The following SLC23A2 variants were observed in gnomAD, a reference collection of about 807,000 sequenced individuals.
SLC23A2 encodes solute carrier family 23 member 2, also known as Na(+)/L-ascorbic acid transporter 2.
In SLC23A2, 36 loss-of-function variants were observed where a neutral mutation model predicts 73.3. The ratio of observed to expected loss-of-function variants is 0.49; its 90% CI spans 0.38 to 0.65. The LOEUF is 0.65. SLC23A2 is among the 30% of genes least tolerant of loss of function. The pLI is 0.00. For missense variants in SLC23A2, 507 were observed against 841.6 expected (o/e 0.60, Z 4.92); for synonymous variants, 343 against 327.3 (o/e 1.05, Z -0.52).
rs2122827645 is a variant in SLC23A2, at chr20:4,883,114, C to G, written c.824+528G>C. Among the ~76,000 whole-genome samples the G allele has an allele frequency of 6.6e-6, 1 of 152,302 alleles. No individual in the cohort carries two copies. Among genetic ancestry groups the G allele is most frequent in the East Asian group, 1.9e-4 (1 of 5,190 alleles). On this transcript the variant is annotated intron_variant, in intron 9 of 16. Transcript: ENST00000338244. This position sits in a 1 kb window ranked among gnomAD's most constrained non-coding sequence, Gnocchi z 4.5. ...GACATTCTGTACAAAAGGACAGGCA[C>G]TGACTAGCAGGACCCTGGCAGAAAC...
At chr20:4,927,353 T>C (rs1330559536) in intron 3 of SLC23A2, among the ~76,000 whole-genome samples, 2 of 152,226 alleles carry the variant, frequency 1.3e-5, no homozygotes, top group African/African-American at 4.8e-5. Flanking sequence ...TGCAGCAATG[T>C]CCTGGCATGA....
At chr20:4,908,037 C>T (rs770384584) in intron 4 of SLC23A2, among the ~76,000 whole-genome samples, 7 of 151,990 alleles carry the variant, frequency 4.6e-5, no homozygotes, top group African/African-American at 7.2e-5. Flanking sequence ...GAAAAAGCTC[C>T]GTGCTAAGAG....
At chr20:4,969,793 C>T (rs958320631) in intron 2 of SLC23A2, among the ~76,000 whole-genome samples, 13 of 152,076 alleles carry the variant, frequency 8.5e-5, no homozygotes, top group Non-Finnish European at 1.5e-4. Flanking sequence ...GAAACACTTG[C>T]GGCTTTTCTG....
At chr20:4,984,940 C>T (rs2087798958) in intron 1 of SLC23A2, among the ~76,000 whole-genome samples, 1 of 152,100 alleles carries the variant, frequency 6.6e-6, no homozygotes, top group African/African-American at 2.4e-5. Context: ...AGATCGAGAC[C>T]GTCCTGGCCA....
At chr20:4,984,534 C>A (rs1347601241) in intron 1 of SLC23A2, among the ~76,000 whole-genome samples, 13 of 143,302 alleles carry the variant, frequency 9.1e-5, no homozygotes, top group Non-Finnish European at 2.0e-4. Flanking sequence ...GCCTGGGCAA[C>A]AGAGCAAGAC....
chr20:4,893,809 T>C (rs1178727933), intron 6 of SLC23A2, among the ~76,000 whole-genome samples: 1 of 152,136 alleles, frequency 6.6e-6, no homozygotes, highest in African/African-American at 2.4e-5. Context: ...CTACCTTTCA[T>C]TTTGCTGGAG....
intron 1 of SLC23A2, among the ~76,000 whole-genome samples, chr20:4,988,332 T>C (rs759217231): frequency 2.7e-5 from 4 of 146,542 alleles, no homozygotes; most frequent in Admixed American, 7.0e-5. Context: ...CCGTGTGTGG[T>C]GGCTCACGCC....
chr20:4,986,979 A>G (rs1429043687), intron 1 of SLC23A2, among the ~76,000 whole-genome samples: 1 of 151,020 alleles, frequency 6.6e-6, no homozygotes, highest in Non-Finnish European at 1.5e-5. Context: ...TACTCCCACT[A>G]AATTCAGGCC....
chr20:4,932,392 G>T, intron 3 of SLC23A2, 63 bp downstream of exon 3: 1 of 957,098 alleles, frequency 1.0e-6, no homozygotes. Flanking sequence ...CCAATCCTAT[G>T]TTGATTCCAT....
In SLC23A2 at chr20:4,967,287, G is replaced by GT. The variant is rs200199357; in HGVS notation, c.-155+3505dup. Among the ~76,000 whole-genome samples, 253 of 149,646 alleles carry GT rather than the reference G, an allele frequency of 1.7e-3. 1 individual carries two copies. In the East Asian group the frequency reaches 0.035, roughly 21 times the overall value. Reference sequence around the variant, plus strand: ...AGTCATGGGACAAATTTATTGATGAGTTTTTTTTTTAACACCATACAGAAA... The same window carrying GT: ...AGTCATGGGACAAATTTATTGATGAGTTTTTTTTTTTAACACCATACAGAAA... On this transcript the variant is annotated intron_variant, in intron 2 of 16. Transcript: ENST00000338244.
At chr20:4,986,843 A>C (rs924335042) in intron 1 of SLC23A2, among the ~76,000 whole-genome samples, 3 of 152,154 alleles carry the variant, frequency 2.0e-5, no homozygotes, top group African/African-American at 7.2e-5. Flanking sequence ...AAGTCACTTT[A>C]AAGCATCATT....
In SLC23A2 at chr20:4,874,745, T is replaced by C. The variant is rs371966089; in HGVS notation, c.825-49A>G. The C allele has an allele frequency of 6.0e-6, 9 of 1,493,054 alleles. No individual in the cohort carries two copies. The African/African-American group carries it at 1.3e-4, about 21-fold the overall frequency. The allele number at this position is 1,493,054 out of a possible 1,614,324, so 92.5% of individuals were successfully genotyped here. On this transcript the variant is annotated intron_variant, in intron 9 of 16. Coordinates refer to ENST00000338244, the MANE Select transcript of SLC23A2 (RefSeq NM_005116.6). ...TAGGTCAAAAGCTGTTATGTCTCTG[T>C]TATAAAATAACACTCGAAGCTTCTA... is the stretch of plus-strand genomic sequence containing the variant.
Position 4,902,550 on chromosome 20 carries a change from G to A in SLC23A2, c.216C>T (p.Leu72=), listed in dbSNP as rs745953941. ...TGCCAGTGCTATCCAGGGTCTCAGC[G>A]AGAGAGCTCTGCGAGCCAGAAGGAG... ...TENGIAEKSS[L]AETLDSTGSL... The change falls in exon 5 of 17, where the codon CTC becomes CTT. Residue 72 remains leucine, a synonymous_variant. Coordinates refer to ENST00000338244, the MANE Select transcript of SLC23A2 (RefSeq NM_005116.6). The surrounding 1 kb of genome is among the most constrained non-coding windows in gnomAD (Gnocchi z 4.0). The A allele has an allele frequency of 8.8e-6, 14 of 1,595,738 alleles. No homozygotes were observed. The East Asian group carries it at 9.0e-5, about 10-fold the overall frequency.
chr20:4,925,505 A>G (rs1932638379), intron 3 of SLC23A2, among the ~76,000 whole-genome samples: 1 of 152,178 alleles, frequency 6.6e-6, no homozygotes, highest in African/African-American at 2.4e-5. Context: ...CAGGTGCCCA[A>G]TAACCATCTG....
intron 3 of SLC23A2, among the ~76,000 whole-genome samples, chr20:4,930,530 C>G (rs1932777414): frequency 6.6e-6 from 1 of 152,032 alleles, no homozygotes; most frequent in African/African-American, 2.4e-5. Context: ...TAAAAAATGC[C>G]ATGTTCAGCT....
At chr20:4,929,434 TGC>T (rs2122936166) in intron 3 of SLC23A2, among the ~76,000 whole-genome samples, 1 of 152,294 alleles carries the variant, frequency 6.6e-6, no homozygotes, top group Non-Finnish European at 1.5e-5. Flanking sequence ...CACTCTTCCA[TGC>T]CATGGTTGGC....
At chr20:4,869,790 C>T (rs998991424) in intron 12 of SLC23A2, 116 bp downstream of exon 12, 4 of 875,026 alleles carry the variant, frequency 4.6e-6, no homozygotes, top group African/African-American at 1.7e-5. Context: ...TAGAGTCCTG[C>T]TGCTTGGCTG....
intron 1 of SLC23A2, among the ~76,000 whole-genome samples, chr20:4,994,250 C>T (rs909768092): frequency 2.0e-5 from 3 of 152,148 alleles, no homozygotes; most frequent in Non-Finnish European, 4.4e-5. Context: ...AAACCAGATG[C>T]TGGTGATGCC....
chr20:4,867,975 G>A, intron 12 of SLC23A2, 100 bp from the exon 13 acceptor site: 1 of 665,140 alleles, frequency 1.5e-6, no homozygotes, highest in Non-Finnish European at 2.6e-6. Context: ...ATGTGGTCCA[G>A]AGCCTGCAGC....
Sources: allele counts gnomAD v4.1 joint callset (sites outside exome capture counted in the v4.1 genomes callset), GRCh38; gene constraint gnomAD v4.1.1; non-coding constraint Gnocchi (gnomAD v3.1); transcripts MANE v1.5; gene names NCBI Gene and HGNC (gene_info 2026-07-23, HGNC 2026-07-21).